The following ARMC3 variants were observed in gnomAD, a reference collection of about 807,000 sequenced individuals.
ARMC3 encodes armadillo repeat containing 3, also known as armadillo repeat-containing protein 3.
In ARMC3, 74 loss-of-function variants were observed where a neutral mutation model predicts 90.3. The ratio of observed to expected loss-of-function variants is 0.82; its 90% CI spans 0.68 to 0.99. ARMC3 has a LOEUF of 0.99. Among genes scored for constraint, ARMC3 ranks in the 50% least tolerant of loss-of-function variants. ARMC3 has a pLI of 0.00. For synonymous variants in ARMC3, 334 were observed against 361.8 expected (o/e 0.92, Z 0.87); for missense variants, 958 against 1,042.8 (o/e 0.92, Z 1.12).
intron 10 of ARMC3, among the ~76,000 whole-genome samples, chr10:22,989,143 G>A (rs1271761521): frequency 6.6e-6 from 1 of 152,166 alleles, no homozygotes; most frequent in Non-Finnish European, 1.5e-5. Context: ...TGAAACGTAC[G>A]TTAATTTAAT....
At chr10:22,973,524 A>G (rs1205523527) in intron 8 of ARMC3, among the ~76,000 whole-genome samples, 1 of 150,748 alleles carries the variant, frequency 6.6e-6, no homozygotes. Context: ...GGATATTAAG[A>G]TAAGGATAAA....
At chr10:23,025,160 T>C (rs1195836662) in intron 16 of ARMC3, among the ~76,000 whole-genome samples, 1 of 152,052 alleles carries the variant, frequency 6.6e-6, no homozygotes, top group Non-Finnish European at 1.5e-5. Context: ...TAATTGGGAC[T>C]TCAACACTGC....
At chr10:22,962,943 C>G (rs1413175141) in intron 7 of ARMC3, among the ~76,000 whole-genome samples, 1 of 152,198 alleles carries the variant, frequency 6.6e-6, no homozygotes, top group Non-Finnish European at 1.5e-5. Context: ...CCTATAATTA[C>G]ACTTGTGATG....
intron 1 of ARMC3, among the ~76,000 whole-genome samples, chr10:22,929,898 A>G (rs554998908): frequency 6.6e-6 from 1 of 152,210 alleles, no homozygotes; most frequent in South Asian, 2.1e-4. Context: ...CTTAGGAGAC[A>G]CTCTATCATT....
chr10:23,032,418 A>T (rs1266099116), intron 17 of ARMC3, among the ~76,000 whole-genome samples: 1 of 152,188 alleles, frequency 6.6e-6, no homozygotes, highest in African/African-American at 2.4e-5. Flanking sequence ...TAATGGGAAA[A>T]TGTTCTGTGT....
In ARMC3 at chr10:22,955,828, T is replaced by A; in HGVS notation, c.188T>A (p.Leu63His). ...ALKGEENKTT[L>H]LELGAVEPLT... The stretch of plus-strand genomic sequence containing the variant: ...TCAGGTGAGGAAAATAAAACAACCC[T>A]CCTTGAACTTGGAGCTGTGGAACCT... Residue 63 changes from leucine to histidine, a missense_variant, in exon 4 of 19, where the codon CTC (leucine) becomes CAC (histidine). Physicochemically the swap from Leu to His is moderately conservative, Grantham distance 99 (BLOSUM62 -3). Coordinates refer to ENST00000298032, the MANE Select transcript of ARMC3 (RefSeq NM_173081.5). The A allele has an allele frequency of 1.2e-6, 2 of 1,613,964 alleles. No individual in the cohort carries two copies. Among genetic ancestry groups the A allele is most frequent in the South Asian group, 1.1e-5 (1 of 91,060 alleles).
rs534253953 is a variant in ARMC3, at chr10:23,034,133, A to T, written c.2409+1110A>T. On this transcript the variant is annotated intron_variant, in intron 18 of 18. Transcript: ENST00000298032. ...CCTTTCCTATTCCCTTGGATTTCCT[A>T]TTCCCTTTCCTATTCCCTTGGATTT... is the stretch of plus-strand genomic sequence containing the variant. Among the ~76,000 whole-genome samples the T allele has an allele frequency of 8.5e-4, 129 of 151,790 alleles. 1 individual carries two copies. In the South Asian group the frequency reaches 0.012, roughly 14 times the overall value.
At chr10:23,015,915 T>G (rs568437952) in intron 16 of ARMC3, among the ~76,000 whole-genome samples, 1 of 152,312 alleles carries the variant, frequency 6.6e-6, no homozygotes, top group South Asian at 2.1e-4. Context: ...ATTGTTCCAG[T>G]GCTGGAGATA....
intron 10 of ARMC3, among the ~76,000 whole-genome samples, chr10:22,988,615 G>A (rs1588884204): frequency 1.3e-5 from 2 of 152,300 alleles, no homozygotes; most frequent in South Asian, 2.1e-4. Flanking sequence ...TGAGTGCAGT[G>A]AATGATGATG....
At chr10:22,984,673 G>A (rs1171571436) in intron 10 of ARMC3, among the ~76,000 whole-genome samples, 2 of 152,078 alleles carry the variant, frequency 1.3e-5, no homozygotes, top group Non-Finnish European at 2.9e-5. Flanking sequence ...GCCCTATGTA[G>A]AAGATTTTCA....
chr10:23,010,850 C>G, intron 16 of ARMC3, among the ~76,000 whole-genome samples: 1 of 109,654 alleles, frequency 9.1e-6, no homozygotes, highest in Non-Finnish European at 2.0e-5. Context: ...CTTGCCTCTC[C>G]TCTCCTTCCC....
chr10:22,962,600 C>T (rs1211206782), intron 7 of ARMC3, among the ~76,000 whole-genome samples: 1 of 152,172 alleles, frequency 6.6e-6, no homozygotes, highest in Non-Finnish European at 1.5e-5. Context: ...GCCACTAATT[C>T]CTTAGTGAAA....
At chr10:22,992,321 G>A (rs373175386) in intron 10 of ARMC3, among the ~76,000 whole-genome samples, 12 of 152,206 alleles carry the variant, frequency 7.9e-5, no homozygotes, top group South Asian at 2.1e-4. Flanking sequence ...ATGTCACCGC[G>A]GCTGCAACAT....
chr10:22,974,007 C>T (rs1199490721), intron 8 of ARMC3, among the ~76,000 whole-genome samples: 1 of 152,054 alleles, frequency 6.6e-6, no homozygotes, highest in East Asian at 1.9e-4. Flanking sequence ...ATCCACCCAC[C>T]TCGGCCTCCC....
At chr10:22,987,324 C>T (rs929786974) in intron 10 of ARMC3, among the ~76,000 whole-genome samples, 1 of 152,144 alleles carries the variant, frequency 6.6e-6, no homozygotes, top group Non-Finnish European at 1.5e-5. Context: ...ATGTTTTAAA[C>T]TATTACTTTA....
chr10:23,014,109 C>T (rs900766360), intron 16 of ARMC3: 2 of 1,550,268 alleles, frequency 1.3e-6, no homozygotes, highest in Non-Finnish European at 1.7e-6. Context: ...GCTCACTCCC[C>T]ACTTCAAGAT....
chr10:22,951,947 G>A (rs1237118479), intron 3 of ARMC3, among the ~76,000 whole-genome samples: 1 of 152,008 alleles, frequency 6.6e-6, no homozygotes, highest in Non-Finnish European at 1.5e-5. Context: ...TAGCCAACAT[G>A]GTGAAACCCT....
intron 12 of ARMC3, 111 bp downstream of exon 12, chr10:23,002,166 C>G (rs1042848115): frequency 1.4e-6 from 2 of 1,422,390 alleles, no homozygotes; most frequent in East Asian, 5.1e-5. Flanking sequence ...TCTCTCAGTC[C>G]GCTGAAGCGC....
chr10:23,011,755 T>C (rs1367965344), intron 16 of ARMC3, among the ~76,000 whole-genome samples: 3 of 152,152 alleles, frequency 2.0e-5, no homozygotes, highest in African/African-American at 7.2e-5. Context: ...TGGCCCCAAT[T>C]CCAAAACAGC....
Sources: allele counts gnomAD v4.1 joint callset (sites outside exome capture counted in the v4.1 genomes callset), GRCh38; gene constraint gnomAD v4.1.1; transcripts MANE v1.5; gene names NCBI Gene and HGNC (gene_info 2026-07-23, HGNC 2026-07-21).